C7orf78: variants seen among roughly 807,000 people sequenced by gnomAD.
C7orf78 encodes chromosome 7 open reading frame 78.
the C7orf78 span, among the ~76,000 whole-genome samples, chr7:12,502,741 C>G: frequency 1.3e-5 from 2 of 150,016 alleles, no homozygotes; most frequent in Non-Finnish European, 3.0e-5. Flanking sequence ...GGGTATATAC[C>G]CAAAGGACTA....
chr7:12,512,327 T>A, the C7orf78 span, among the ~76,000 whole-genome samples: 2 of 152,168 alleles, frequency 1.3e-5, no homozygotes, highest in Non-Finnish European at 2.9e-5. Flanking sequence ...TGTGGGTTTG[T>A]CATATATGGC....
chr7:12,490,364 GC>G, the C7orf78 span, among the ~76,000 whole-genome samples: 1,178 of 152,208 alleles, frequency 7.7e-3, 20 homozygotes, highest in African/African-American at 0.027. Context: ...GTAAACAAGA[GC>G]CCAGGACGAT....
the C7orf78 span, among the ~76,000 whole-genome samples, chr7:12,509,464 C>A: frequency 1.6e-4 from 24 of 152,230 alleles, 1 homozygote; most frequent in South Asian, 3.9e-3. Flanking sequence ...TCTAATTAAC[C>A]CATAAGGGTC....
At chr7:12,489,202 A>G in the C7orf78 span, among the ~76,000 whole-genome samples, 1 of 152,124 alleles carries the variant, frequency 6.6e-6, no homozygotes, top group Non-Finnish European at 1.5e-5. Context: ...AATAGTCAGT[A>G]TACATTTCAA....
chr7:12,505,557 A>C, the C7orf78 span, among the ~76,000 whole-genome samples: 1 of 152,168 alleles, frequency 6.6e-6, no homozygotes, highest in African/African-American at 2.4e-5. Flanking sequence ...TCTTAGGTGG[A>C]GAATAACTCT....
At chr7:12,519,578 A>C in the C7orf78 span, among the ~76,000 whole-genome samples, 3 of 152,190 alleles carry the variant, frequency 2.0e-5, no homozygotes, top group African/African-American at 7.2e-5. Context: ...TGTGAACCCA[A>C]GTACAATATG....
At chr7:12,534,724 G>T in the C7orf78 span, among the ~76,000 whole-genome samples, 1 of 152,162 alleles carries the variant, frequency 6.6e-6, no homozygotes, top group African/African-American at 2.4e-5. Context: ...AAGCCAAAGT[G>T]GGAGGAACTC....
chr7:12,508,552 G>A, the C7orf78 span, among the ~76,000 whole-genome samples: 1 of 152,098 alleles, frequency 6.6e-6, no homozygotes, highest in East Asian at 1.9e-4. Flanking sequence ...ACAAACATGA[G>A]TTGCTCCAAT....
At chr7:12,520,148 A>G in the C7orf78 span, among the ~76,000 whole-genome samples, 2 of 152,178 alleles carry the variant, frequency 1.3e-5, no homozygotes, top group East Asian at 1.9e-4. Flanking sequence ...CTCACAGCCA[A>G]TCTTGGCCAA....
At chr7:12,510,526 C>A in the C7orf78 span, among the ~76,000 whole-genome samples, 2 of 152,236 alleles carry the variant, frequency 1.3e-5, no homozygotes, top group African/African-American at 4.8e-5. Context: ...TACATTCTCA[C>A]CAACAGTGTA....
the C7orf78 span, among the ~76,000 whole-genome samples, chr7:12,519,143 G>C: frequency 6.6e-6 from 1 of 152,180 alleles, no homozygotes; most frequent in South Asian, 2.1e-4. Flanking sequence ...ACTGCAGGGG[G>C]ACAGGGTCAC....
At chr7:12,488,783 T>C in the C7orf78 span, among the ~76,000 whole-genome samples, 1 of 152,110 alleles carries the variant, frequency 6.6e-6, no homozygotes, top group African/African-American at 2.4e-5. Context: ...GTTATATTCA[T>C]ACCATATATG....
At chr7:12,531,571 A>G in the C7orf78 span, among the ~76,000 whole-genome samples, 1 of 152,148 alleles carries the variant, frequency 6.6e-6, no homozygotes, top group African/African-American at 2.4e-5. Context: ...AGTCCCTCAT[A>G]TCTTCTTGAT....
chr7:12,500,492 A>C, the C7orf78 span, among the ~76,000 whole-genome samples: 7 of 150,282 alleles, frequency 4.7e-5, no homozygotes, highest in African/African-American at 1.5e-4. Flanking sequence ...GAAATGGATA[A>C]ATTCCTTGAC....
the C7orf78 span, among the ~76,000 whole-genome samples, chr7:12,532,516 A>T: frequency 3.3e-5 from 5 of 150,854 alleles, no homozygotes; most frequent in South Asian, 4.2e-4. Context: ...GCCACTGCAC[A>T]CCAGCCCGGA....
the C7orf78 span, among the ~76,000 whole-genome samples, chr7:12,515,312 C>T: frequency 6.6e-6 from 1 of 152,188 alleles, no homozygotes; most frequent in East Asian, 1.9e-4. Flanking sequence ...GGAGTTTCTG[C>T]TTTTGCATCT....
the C7orf78 span, among the ~76,000 whole-genome samples, chr7:12,534,983 G>GA: frequency 6.8e-6 from 1 of 146,982 alleles, no homozygotes; most frequent in African/African-American, 2.6e-5. Flanking sequence ...AGGAGGGAAG[G>GA]AAGGAAGGAA....
At chr7:12,529,146 A>G in the C7orf78 span, 8 of 396,430 alleles carry the variant, frequency 2.0e-5, no homozygotes, top group Admixed American at 4.4e-5. Flanking sequence ...TGTAAAATAT[A>G]TTTCTGTCTT....
chr7:12,510,181 G>T, the C7orf78 span, among the ~76,000 whole-genome samples: 2 of 1,112 alleles, frequency 1.8e-3, no homozygotes, highest in Non-Finnish European at 3.0e-3. Flanking sequence ...TTGGGAGGGT[G>T]GGGGGGTTTC....
Sources: gnomAD v4.1 joint callset for allele counts (sites outside exome capture counted in the v4.1 genomes callset) on GRCh38, gnomAD v4.1.1 for gene constraint, MANE v1.5 for transcripts, NCBI Gene and HGNC (gene_info 2026-07-23, HGNC 2026-07-21) for gene names.